Variants in PRKN observed in about 807,000 individuals in gnomAD.
PRKN encodes parkin RBR E3 ubiquitin protein ligase, also known as E3 ubiquitin-protein ligase parkin.
A neutral mutation model predicts 59.5 loss-of-function variants in PRKN; 56 were observed. The ratio of observed to expected loss-of-function variants is 0.94; its 90% CI spans 0.76 to 1.18. The LOEUF is 1.18. Ranked by LOEUF, PRKN falls within the 50% of genes most tolerant of loss-of-function variation. The pLI, the probability that PRKN is intolerant of heterozygous loss-of-function variation, is 0.00. For missense variants in PRKN, 657 were observed against 596.4 expected (o/e 1.10, Z -1.06); for synonymous variants, 250 against 222.1 (o/e 1.13, Z -1.12).
chr6:161,371,575 T>C lies in PRKN; in HGVS notation c.1168-11370A>G, dbSNP rs938590803. Among the ~76,000 whole-genome samples the C allele has an allele frequency of 6.6e-6, 1 of 152,128 alleles. No homozygotes were observed. Among genetic ancestry groups the C allele is most frequent in the African/African-American group, 2.4e-5 (1 of 41,406 alleles). On this transcript the variant is annotated intron_variant, in intron 10 of 11. Coordinates refer to ENST00000366898, the MANE Select transcript of PRKN (RefSeq NM_004562.3). This position sits in a 1 kb window ranked among gnomAD's most constrained non-coding sequence, Gnocchi z 5.5. ...TACACTGTAAGCAATACAAGGCTAC[T>C]CCACTAAGCTCCAAACTCCCCAAGC...
In PRKN at chr6:162,010,911, TTA is replaced by T. The variant is rs1244226236; in HGVS notation, c.619-37496_619-37495del. 1.6e-3 allele frequency among the ~76,000 whole-genome samples: 14 copies of T among 9,004 alleles called. No individual in the cohort carries two copies. In the African/African-American group the frequency reaches 0.02, roughly 13 times the overall value. The allele number at this position is 9,004 out of a possible 152,430, so 5.9% of individuals were successfully genotyped here. On this transcript the variant is annotated intron_variant, in intron 5 of 11. Transcript: ENST00000366898. ...AATATATTATATATACTATAATATA[TTA>T]AATATATAATATATAATATAATATA...
At chr6:162,108,473 T>G (rs1315456493) in intron 4 of PRKN, among the ~76,000 whole-genome samples, 2 of 152,220 alleles carry the variant, frequency 1.3e-5, no homozygotes, top group Non-Finnish European at 1.5e-5. Context: ...TTTTACGAAA[T>G]GTCAGTGTTT....
chr6:162,415,962 C>T (rs992319223), intron 2 of PRKN, among the ~76,000 whole-genome samples: 7 of 152,284 alleles, frequency 4.6e-5, no homozygotes, highest in Non-Finnish European at 7.4e-5. Flanking sequence ...GACTGCAAAA[C>T]GCTGAATTCT....
chr6:162,399,530 C>T (rs1340255360), intron 2 of PRKN, among the ~76,000 whole-genome samples: 1 of 152,088 alleles, frequency 6.6e-6, no homozygotes, highest in Admixed American at 6.6e-5. Flanking sequence ...TGTTGAATAA[C>T]ACATACACAC....
intron 3 of PRKN, among the ~76,000 whole-genome samples, chr6:162,250,685 A>G (rs537761849): frequency 2.2e-4 from 34 of 152,346 alleles, no homozygotes; most frequent in African/African-American, 8.2e-4. Flanking sequence ...GACTTGCAAA[A>G]TGGTGAATAT....
intron 4 of PRKN, among the ~76,000 whole-genome samples, chr6:162,062,536 G>A (rs1027415225): frequency 6.6e-6 from 1 of 152,094 alleles, no homozygotes; most frequent in Non-Finnish European, 1.5e-5. Flanking sequence ...GTTAAAATGA[G>A]GTCATTAGGG....
At chr6:162,596,975 A>G (rs1373536761) in intron 1 of PRKN, among the ~76,000 whole-genome samples, 2 of 152,216 alleles carry the variant, frequency 1.3e-5, no homozygotes, top group East Asian at 3.9e-4. Flanking sequence ...TTTCAGACAC[A>G]CGTGACCTTC....
At chr6:162,280,363 C>G (rs115181477) in intron 2 of PRKN, among the ~76,000 whole-genome samples, 1 of 152,178 alleles carries the variant, frequency 6.6e-6, no homozygotes, top group African/African-American at 2.4e-5. Flanking sequence ...ACCAGAATCA[C>G]TGGGACACAG....
At chr6:161,895,503 C>G (rs1156572763) in intron 6 of PRKN, among the ~76,000 whole-genome samples, 1 of 133,296 alleles carries the variant, frequency 7.5e-6, no homozygotes, top group Non-Finnish European at 1.5e-5. Flanking sequence ...AGTACGCCCA[C>G]CCCACCTGCC....
intron 4 of PRKN, among the ~76,000 whole-genome samples, chr6:162,159,598 C>T (rs912445755): frequency 1.1e-4 from 16 of 152,000 alleles, no homozygotes; most frequent in African/African-American, 3.6e-4. Context: ...TAGAAATTGA[C>T]AAGAAAGTTC....
chr6:161,356,613 G>C lies in PRKN; in HGVS notation c.1285+3475C>G, dbSNP rs1030490006. Among the ~76,000 whole-genome samples, 1 of 149,568 alleles carries C rather than the reference G, an allele frequency of 6.7e-6. No homozygotes were observed. The highest frequency in any genetic ancestry group is 2.6e-5 in the African/African-American group (1 of 38,976). On this transcript the variant is annotated intron_variant, in intron 11 of 11. Transcript: ENST00000366898. This position sits in a 1 kb window ranked among gnomAD's most constrained non-coding sequence, Gnocchi z 7.8. The stretch of plus-strand genomic sequence containing the variant: ...TGGGCAGACGCTGGATCAGAGCACG[G>C]GGAAGGCCGTGGTGACCGGGGATTG...
chr6:161,614,135 C>T (rs1183304735), intron 7 of PRKN, among the ~76,000 whole-genome samples: 3 of 152,192 alleles, frequency 2.0e-5, no homozygotes, highest in Non-Finnish European at 4.4e-5. Context: ...CATGCCTCCA[C>T]CTTTCTCTTC....
chr6:162,615,744 T>C (rs1468225677), intron 1 of PRKN, among the ~76,000 whole-genome samples: 1 of 152,086 alleles, frequency 6.6e-6, no homozygotes, highest in East Asian at 1.9e-4. Context: ...AACTGAAAAA[T>C]ACAGTGTAAA....
chr6:162,644,923 T>C (rs1265053485), intron 1 of PRKN, among the ~76,000 whole-genome samples: 1 of 152,208 alleles, frequency 6.6e-6, no homozygotes. Flanking sequence ...GTTATTTTCA[T>C]GATTAATAAG....
At chr6:162,158,416 GT>G (rs869040301) in intron 4 of PRKN, among the ~76,000 whole-genome samples, 62 of 2,752 alleles carry the variant, frequency 0.023, 1 homozygote, top group South Asian at 0.15. Context: ...GTTTGTTTGC[GT>G]TTTTTTTTTT....
At chr6:161,931,151 G>A (rs1323324239) in intron 6 of PRKN, among the ~76,000 whole-genome samples, 1 of 152,130 alleles carries the variant, frequency 6.6e-6, no homozygotes, top group Non-Finnish European at 1.5e-5. Context: ...AAGTAGACAC[G>A]GCGGCTGGGC....
At chr6:161,687,738 G>A (rs1204260277) in intron 7 of PRKN, among the ~76,000 whole-genome samples, 4 of 151,972 alleles carry the variant, frequency 2.6e-5, no homozygotes, top group African/African-American at 9.7e-5. Context: ...TTACAGGTTT[G>A]AGCCACCGCG....
chr6:161,835,018 T>C (rs1792687456), intron 6 of PRKN, among the ~76,000 whole-genome samples: 1 of 152,100 alleles, frequency 6.6e-6, no homozygotes. Flanking sequence ...TAGGCATCAT[T>C]TCTGCCCGCT....
At chr6:161,571,508 G>A (rs2115486275) in intron 7 of PRKN, among the ~76,000 whole-genome samples, 1 of 152,348 alleles carries the variant, frequency 6.6e-6, no homozygotes, top group Non-Finnish European at 1.5e-5. Context: ...GGTGCTCATT[G>A]CGATACAGAT....
Sources: allele counts gnomAD v4.1 joint callset (sites outside exome capture counted in the v4.1 genomes callset), GRCh38; gene constraint gnomAD v4.1.1; non-coding constraint Gnocchi (gnomAD v3.1); transcripts MANE v1.5; gene names NCBI Gene and HGNC (gene_info 2026-07-23, HGNC 2026-07-21).